Variants in BCAS3 observed in about 807,000 individuals in gnomAD.
BCAS3 encodes the protein BCAS4/BCAS3 fusion.
A neutral mutation model predicts 116.1 loss-of-function variants in BCAS3; 53 were observed. That is an observed-to-expected ratio of 0.46 (90% confidence interval 0.37 to 0.57). BCAS3 has a LOEUF of 0.57. Among genes scored for constraint, BCAS3 ranks in the 20% least tolerant of loss-of-function variants. BCAS3 has a pLI of 0.00. For synonymous variants in BCAS3, 391 were observed against 408.2 expected (o/e 0.96, Z 0.51); for missense variants, 917 against 1,165.4 (o/e 0.79, Z 3.10).
chr17:61,216,165 C>T (rs1475313777), intron 22 of BCAS3, among the ~76,000 whole-genome samples: 1 of 152,078 alleles, frequency 6.6e-6, no homozygotes. Flanking sequence ...TTTTCTATTC[C>T]CATTTCCTAA....
chr17:61,324,183 C>T lies in BCAS3; in HGVS notation c.2426-44144C>T, dbSNP rs2055541970. Among the ~76,000 whole-genome samples, 1 of 152,174 alleles carries T rather than the reference C, an allele frequency of 6.6e-6. No homozygotes were observed. Among genetic ancestry groups the T allele is most frequent in the Admixed American group, 6.5e-5 (1 of 15,276 alleles). On this transcript the variant is annotated intron_variant, in intron 22 of 23. Transcript: ENST00000407086. This position sits in a 1 kb window ranked among gnomAD's most constrained non-coding sequence, Gnocchi z 4.6. The stretch of plus-strand genomic sequence containing the variant: ...ACCCCATCCTTCTGATTCTCTGTAT[C>T]CCCAGTGCCAGACATATGCTAAGCA...
At chr17:60,915,870 A>G (rs555839728) in intron 12 of BCAS3, among the ~76,000 whole-genome samples, 1 of 152,030 alleles carries the variant, frequency 6.6e-6, no homozygotes, top group East Asian at 1.9e-4. Flanking sequence ...TTTTTAGTAG[A>G]GACGGGGTTT....
intron 22 of BCAS3, among the ~76,000 whole-genome samples, chr17:61,267,530 G>A (rs2144612833): frequency 6.6e-6 from 1 of 151,292 alleles, no homozygotes; most frequent in East Asian, 2.0e-4. Context: ...TTGAGATCAG[G>A]AGTTCGAGAC....
At chr17:60,969,829 C>T (rs1368232202) in intron 14 of BCAS3, among the ~76,000 whole-genome samples, 3 of 152,158 alleles carry the variant, frequency 2.0e-5, no homozygotes, top group Admixed American at 6.5e-5. Flanking sequence ...TTTTAACACA[C>T]TATTGACTTC....
chr17:60,820,073 C>CTT (rs374234519), intron 7 of BCAS3, among the ~76,000 whole-genome samples: 60 of 145,618 alleles, frequency 4.1e-4, no homozygotes, highest in Admixed American at 1.0e-3. Context: ...ATCTTTTTTT[C>CTT]TTTTTTTTTT....
At position 60,836,775 on chromosome 17, in the gene BCAS3, A is replaced by G. The variant is rs80206340; in HGVS notation, c.476+28699A>G. Among the ~76,000 whole-genome samples, 27 of 152,264 alleles carry G rather than the reference A, an allele frequency of 1.8e-4. 1 individual carries two copies. In the East Asian group the frequency reaches 5.2e-3, roughly 29 times the overall value. On this transcript the variant is annotated intron_variant, in intron 7 of 23. Coordinates refer to ENST00000407086, the MANE Select transcript of BCAS3 (RefSeq NM_017679.5). Reference sequence around the variant, plus strand: ...TCATTTCCTTTGAGGCAAGCAGAAAAAGTGAAATGTTTCCCATGTTAGTGT... The same window carrying G: ...TCATTTCCTTTGAGGCAAGCAGAAAGAGTGAAATGTTTCCCATGTTAGTGT...
chr17:61,111,199 G>A (rs1041164945), intron 22 of BCAS3, among the ~76,000 whole-genome samples: 51 of 152,048 alleles, frequency 3.4e-4, no homozygotes, highest in African/African-American at 1.2e-3. Context: ...CCAAAGGAAC[G>A]CAGTTCCTCA....
chr17:61,018,290 GTTTTTTTTTT>G (rs10570881), intron 16 of BCAS3, among the ~76,000 whole-genome samples: 11 of 83,066 alleles, frequency 1.3e-4, no homozygotes, highest in Non-Finnish European at 2.3e-4. Flanking sequence ...AAATTCCCCA[GTTTTTTTTTT>G]TTTTTTTTTT....
intron 19 of BCAS3, among the ~76,000 whole-genome samples, chr17:61,045,539 G>T (rs535568389): frequency 1.2e-3 from 174 of 150,500 alleles, no homozygotes; most frequent in Admixed American, 3.1e-3. Context: ...AAAAGGCTAG[G>T]CGCAGTGGCT....
rs1385347258 is a variant in BCAS3, at chr17:61,051,951, G to GA, written c.2029+11065dup. ...AATTAATGCAAAACAGAAAATACAG[G>GA]AAAAAAGGAAAAAGATCAGAGTATA... is the stretch of plus-strand genomic sequence containing the variant. On this transcript the variant is annotated intron_variant, in intron 19 of 23. Transcript: ENST00000407086. This position sits in a 1 kb window ranked among gnomAD's most constrained non-coding sequence, Gnocchi z 4.1. Among the ~76,000 whole-genome samples, 1 of 151,382 alleles carries GA rather than the reference G, an allele frequency of 6.6e-6. No homozygotes were observed. The highest frequency in any genetic ancestry group is 1.5e-5 in the Non-Finnish European group (1 of 67,804).
intron 12 of BCAS3, among the ~76,000 whole-genome samples, chr17:60,917,560 T>C (rs1233816151): frequency 6.6e-6 from 1 of 152,142 alleles, no homozygotes; most frequent in Non-Finnish European, 1.5e-5. Flanking sequence ...CATTTACTTA[T>C]TGATGGACAT....
In BCAS3 at chr17:61,061,912, T is replaced by A. The variant is rs1055910096; in HGVS notation, c.2030-13008T>A. Among the ~76,000 whole-genome samples the A allele has an allele frequency of 2.0e-5, 3 of 152,120 alleles. No individual in the cohort carries two copies. The East Asian group carries it at 5.8e-4, about 29-fold the overall frequency. On this transcript the variant is annotated intron_variant, in intron 19 of 23. Coordinates refer to ENST00000407086, the MANE Select transcript of BCAS3 (RefSeq NM_017679.5). ...TTTGTGTGTATAAATACAGAGATAATGATAAATAAACAGATACGGAGACAT... is the reference window on the plus strand; with the variant it reads ...TTTGTGTGTATAAATACAGAGATAAAGATAAATAAACAGATACGGAGACAT...
rs2078243697 is a variant in BCAS3, at chr17:61,162,813, G to A, written c.2425+78249G>A. Among the ~76,000 whole-genome samples, 1 of 152,198 alleles carries A rather than the reference G, an allele frequency of 6.6e-6. No individual in the cohort carries two copies. Among genetic ancestry groups the A allele is most frequent in the Non-Finnish European group, 1.5e-5 (1 of 68,038 alleles). On this transcript the variant is annotated intron_variant, in intron 22 of 23. Coordinates refer to ENST00000407086, the MANE Select transcript of BCAS3 (RefSeq NM_017679.5). This position sits in a 1 kb window ranked among gnomAD's most constrained non-coding sequence, Gnocchi z 5.6. Reference sequence around the variant, plus strand: ...CTGATGGAATATGAGAAAGAAAAGTGTATTATTTACATTCTTAATGTTTTG... The same window carrying A: ...CTGATGGAATATGAGAAAGAAAAGTATATTATTTACATTCTTAATGTTTTG...
At chr17:61,320,538 C>T (rs961774613) in intron 22 of BCAS3, among the ~76,000 whole-genome samples, 6 of 151,900 alleles carry the variant, frequency 3.9e-5, no homozygotes, top group African/African-American at 1.5e-4. Context: ...AAAAATTAGC[C>T]AGGTGTGGTG....
At chr17:60,710,624 G>A (rs899477639) in intron 5 of BCAS3, among the ~76,000 whole-genome samples, 4 of 151,568 alleles carry the variant, frequency 2.6e-5, no homozygotes, top group Non-Finnish European at 4.4e-5. Context: ...GTACAGATGG[G>A]GTTTCACCAC....
At chr17:60,822,428 C>G (rs1030606895) in intron 7 of BCAS3, among the ~76,000 whole-genome samples, 9 of 152,054 alleles carry the variant, frequency 5.9e-5, no homozygotes, top group Non-Finnish European at 1.2e-4. Context: ...GTGAATTTCT[C>G]GTTTATAATA....
chr17:60,736,616 G>A (rs1209391694), intron 5 of BCAS3, among the ~76,000 whole-genome samples: 1 of 152,026 alleles, frequency 6.6e-6, no homozygotes, highest in Non-Finnish European at 1.5e-5. Flanking sequence ...TTAAATGTAT[G>A]GTAGAATTCA....
intron 4 of BCAS3, among the ~76,000 whole-genome samples, chr17:60,703,929 G>GAAAAAAAAAAAAAAAAAA (rs1339092593): frequency 7.3e-6 from 1 of 137,622 alleles, no homozygotes; most frequent in Non-Finnish European, 1.6e-5. Flanking sequence ...AAAAAAAAAA[G>GAAAAAAAAAAAAAAAAAA]AAAAAAAGAA....
intron 22 of BCAS3, among the ~76,000 whole-genome samples, chr17:61,197,351 G>A (rs1340363475): frequency 2.0e-5 from 3 of 152,190 alleles, no homozygotes; most frequent in Non-Finnish European, 4.4e-5. Flanking sequence ...GTTTGCTTAA[G>A]GAAAAGCTTA....
Sources: allele counts gnomAD v4.1 joint callset (sites outside exome capture counted in the v4.1 genomes callset), GRCh38; gene constraint gnomAD v4.1.1; non-coding constraint Gnocchi (gnomAD v3.1); transcripts MANE v1.5; gene names NCBI Gene and HGNC (gene_info 2026-07-23, HGNC 2026-07-21).